The following RO60 variants were observed in gnomAD, a reference collection of about 807,000 sequenced individuals.
The protein encoded by RO60 is Ro60, Y RNA binding protein, also known as RNA-binding protein RO60.
In RO60, 20 loss-of-function variants were observed where a neutral mutation model predicts 55.3. The ratio of observed to expected loss-of-function variants is 0.36; its 90% confidence interval spans 0.25 to 0.53. The LOEUF is 0.53. Among genes scored for constraint, RO60 ranks in the 20% least tolerant of loss-of-function variants. RO60 has a pLI of 0.92. For missense variants in RO60, 558 were observed against 646.6 expected, an observed-to-expected ratio of 0.86 and a Z score of 1.49; for synonymous variants, 213 against 213.6, an observed-to-expected ratio of 1.00 and a Z score of 0.02.
rs1321814351 is a variant in RO60, at chr1:193,090,636, G to C, written c.*5905G>C. The C allele has an allele frequency of 6.6e-6, 1 of 151,816 alleles. No homozygotes were observed. The highest frequency in any genetic ancestry group is 6.6e-5 in the Admixed American group (1 of 15,214). 9.4% of individuals were successfully genotyped at this position (151,816 alleles called of 1,614,324 possible). On this transcript the variant is annotated 3_prime_UTR_variant, in exon 9 of 9. Coordinates refer to ENST00000400968, the MANE Select transcript of RO60 (RefSeq NM_001173524.2). ...AAACTGTCCATTTGCTTTATATAAAGGCTTTGATTTCAATAACTGACCATT... is the reference window on the plus strand; with the variant it reads ...AAACTGTCCATTTGCTTTATATAAACGCTTTGATTTCAATAACTGACCATT...
chr1:193,079,336 A>G (rs371685209), intron 5 of RO60, among the ~76,000 whole-genome samples: 1 of 152,036 alleles, frequency 6.6e-6, no homozygotes, highest in Non-Finnish European at 1.5e-5. Flanking sequence ...TGATCCGCCC[A>G]CCTTGGCCTC....
intron 2 of RO60, 96 bp downstream of exon 2, chr1:193,069,730 C>A: frequency 1.1e-6 from 1 of 948,030 alleles, no homozygotes; most frequent in Non-Finnish European, 1.5e-6. Flanking sequence ...GTAATATTTT[C>A]TAGAAATAGC....
In RO60 at chr1:193,084,606, G is replaced by C. The variant is rs368438211; in HGVS notation, c.1492G>C (p.Val498Leu). ...AATGGATATTCCAGCTAAATTGATT[G>C]TTTGTGGAATGACATCAAATGGTTT... ...KKMDIPAKLI[V>L]CGMTSNGFTI... Residue 498 changes from valine (V) to leucine (L), a missense_variant, in exon 9 of 9, where the codon GTT becomes CTT. Val to Leu is a conservative substitution (Grantham distance 32, BLOSUM62 1). Transcript: ENST00000400968. 105 of 1,613,010 alleles carry C rather than the reference G, an allele frequency of 6.5e-5. No individual in the cohort carries two copies. The highest frequency in any genetic ancestry group is 8.7e-5 in the Non-Finnish European group (103 of 1,179,632).
intron 1 of RO60, among the ~76,000 whole-genome samples, chr1:193,061,997 A>G (rs1364179692): frequency 6.6e-6 from 1 of 152,106 alleles, no homozygotes; most frequent in African/African-American, 2.4e-5. Context: ...AAAAAAAAAA[A>G]AAGTGTCCAT....
intron 1 of RO60, among the ~76,000 whole-genome samples, chr1:193,060,530 G>A (rs1364755383): frequency 1.3e-5 from 2 of 152,086 alleles, no homozygotes; most frequent in African/African-American, 2.4e-5. Context: ...AAATGTTTTA[G>A]TGGGTAAAAC....
At chr1:193,081,537 A>G in intron 6 of RO60, 57 bp downstream of exon 6, 1 of 896,486 alleles carries the variant, frequency 1.1e-6, no homozygotes, top group Non-Finnish European at 1.8e-6. Flanking sequence ...GTAGAGCAAA[A>G]CTATAAGATT....
In RO60 at chr1:193,087,846, T is replaced by C. The variant is rs1390570618; in HGVS notation, c.*3115T>C. 6.6e-6 allele frequency: 1 copy of C among 152,106 alleles called. No homozygotes were observed. Among genetic ancestry groups the C allele is most frequent in the African/African-American group, 2.4e-5 (1 of 41,412 alleles). 9.4% of individuals were successfully genotyped at this position (152,106 alleles called of 1,614,324 possible). A position where few individuals can be genotyped will look rare whatever the true frequency, so the allele number is the denominator to read the frequency against. On this transcript the variant is annotated 3_prime_UTR_variant, in exon 9 of 9. Transcript: ENST00000400968. ...AGCTCACTCAATAGGCCTAACAGTG[T>C]TTTAAAACATTCCTGTTCAGAGTAG...
At chr1:193,073,884 C>T (rs1191462175) in intron 2 of RO60, among the ~76,000 whole-genome samples, 1 of 126,566 alleles carries the variant, frequency 7.9e-6, no homozygotes, top group Non-Finnish European at 1.6e-5. Context: ...CTATCCCTCC[C>T]CCCTCCCCCC....
intron 1 of RO60, among the ~76,000 whole-genome samples, chr1:193,068,337 G>A (rs79647399): frequency 0.046 from 7,040 of 152,280 alleles, 249 homozygotes; most frequent in Non-Finnish European, 0.069. Flanking sequence ...ACCAATCTAT[G>A]TTTCAATTAG....
At chr1:193,060,087 C>T (rs969077744) in intron 1 of RO60, 1 of 1,265,726 alleles carries the variant, frequency 7.9e-7, no homozygotes, top group Admixed American at 2.4e-5. Flanking sequence ...GCCTGCTTTA[C>T]TCCTCCTCTT....
intron 1 of RO60, among the ~76,000 whole-genome samples, chr1:193,062,639 C>A (rs949264114): frequency 6.6e-6 from 1 of 152,084 alleles, no homozygotes; most frequent in Non-Finnish European, 1.5e-5. Flanking sequence ...TTTTCATCAC[C>A]CAAAAAGAAA....
chr1:193,065,879 C>T (rs189951967), intron 1 of RO60, among the ~76,000 whole-genome samples: 81 of 152,252 alleles, frequency 5.3e-4, no homozygotes, highest in South Asian at 3.5e-3. Context: ...ATATTCCGAA[C>T]ACAATTCAGA....
rs1674572871 is a variant in RO60, at chr1:193,085,236, T to G, written c.*505T>G. 6 of 1,158,408 alleles carry G rather than the reference T, an allele frequency of 5.2e-6. No individual in the cohort carries two copies. Among genetic ancestry groups the G allele is most frequent in the African/African-American group, 1.6e-5 (1 of 63,328 alleles). The allele number at this position is 1,158,408 out of a possible 1,614,324, so 71.8% of individuals were successfully genotyped here. ...GGGGGTAAAAAAAAAAACTAAGGCA[T>G]TTGATTAAATTATGAATGAGTTTTA... On this transcript the variant is annotated 3_prime_UTR_variant, in exon 9 of 9. Transcript: ENST00000400968.
chr1:193,076,194 A>G (rs7542466), intron 3 of RO60, among the ~76,000 whole-genome samples, 154 bp downstream of exon 3: 102,042 of 151,858 alleles, frequency 0.67, 35,194 homozygotes, highest in Middle Eastern at 0.76. Context: ...AACACCTACC[A>G]TGATGTCCAA....
chr1:193,068,093 C>A (rs983396010), intron 1 of RO60, among the ~76,000 whole-genome samples: 1 of 152,164 alleles, frequency 6.6e-6, no homozygotes. Context: ...CCTTTTAAGA[C>A]TGAAGAAAAC....
At chr1:193,065,524 T>C (rs890701953) in intron 1 of RO60, among the ~76,000 whole-genome samples, 1 of 152,150 alleles carries the variant, frequency 6.6e-6, no homozygotes, top group Non-Finnish European at 1.5e-5. Flanking sequence ...TTATGAAAGC[T>C]GAGGGAGAGA....
At position 193,064,551 on chromosome 1, in the gene RO60, T is replaced by A. The variant is rs187030968; in HGVS notation, c.-21-4483T>A. Among the ~76,000 whole-genome samples the A allele has an allele frequency of 5.3e-5, 8 of 152,364 alleles. No homozygotes were observed. In the East Asian group the frequency reaches 1.2e-3, roughly 22 times the overall value. ...AAGGAGAGTAACTTGGGACATGTTATTCTGTTTTCTGTCTTTTAAAATATG... is the reference window on the plus strand; with the variant it reads ...AAGGAGAGTAACTTGGGACATGTTAATCTGTTTTCTGTCTTTTAAAATATG... On this transcript the variant is annotated intron_variant, in intron 1 of 8. Transcript: ENST00000400968.
Position 193,089,555 on chromosome 1 carries a change from A to G in RO60, c.*4824A>G. 6.6e-6 allele frequency: 1 copy of G among 152,182 alleles called. No homozygotes were observed. Among genetic ancestry groups the G allele is most frequent in the Admixed American group, 6.5e-5 (1 of 15,286 alleles). 9.4% of individuals were successfully genotyped at this position (152,182 alleles called of 1,614,324 possible). On this transcript the variant is annotated 3_prime_UTR_variant, in exon 9 of 9. Transcript: ENST00000400968. ...GAATAAAATTATAATAAATGGCACAATTCCTTAAACCCTGAAAATACCAAG... is the reference window on the plus strand; with the variant it reads ...GAATAAAATTATAATAAATGGCACAGTTCCTTAAACCCTGAAAATACCAAG...
intron 5 of RO60, among the ~76,000 whole-genome samples, chr1:193,078,519 A>G (rs1416113237): frequency 1.3e-5 from 2 of 152,226 alleles, no homozygotes; most frequent in Non-Finnish European, 2.9e-5. Flanking sequence ...AAGTTAACAA[A>G]TGAATTCAGC....
Sources: gnomAD v4.1 joint callset for allele counts (sites outside exome capture counted in the v4.1 genomes callset) on GRCh38, gnomAD v4.1.1 for gene constraint, MANE v1.5 for transcripts, NCBI Gene and HGNC (gene_info 2026-07-23, HGNC 2026-07-21) for gene names.